CTTNBP2: variants seen among roughly 807,000 people sequenced by gnomAD.
CTTNBP2 encodes the protein cortactin-binding protein 2.
CTTNBP2 carries 108 observed loss-of-function variants against 156.9 expected under a neutral mutation model. That is an observed-to-expected ratio of 0.69 (90% CI 0.59 to 0.81). CTTNBP2 has a LOEUF of 0.81. CTTNBP2 is among the 30% of genes least tolerant of loss of function. The pLI, the probability that CTTNBP2 is intolerant of heterozygous loss-of-function variation, is 0.00. For missense variants in CTTNBP2, 1,924 were observed against 2,035.4 expected (o/e 0.95, Z 1.05); for synonymous variants, 767 against 751.8 (o/e 1.02, Z -0.33).
At chr7:117,734,459 T>G (rs1795571031) in intron 16 of CTTNBP2, among the ~76,000 whole-genome samples, 1 of 152,232 alleles carries the variant, frequency 6.6e-6, no homozygotes, top group East Asian at 1.9e-4. Context: ...TCTGTGAAAG[T>G]CACTAAAAGT....
At chr7:117,826,826 CATTATTATTATTATTATTATTATT>C (rs71984775) in intron 2 of CTTNBP2, among the ~76,000 whole-genome samples, 1,751 of 140,240 alleles carry the variant, frequency 0.012, 35 homozygotes, top group African/African-American at 0.042. Context: ...TTCTACTGAG[CATTATTATTATTATTATTATTATT>C]ATTATTATTA....
At chr7:117,835,885 C>T (rs543441410) in intron 2 of CTTNBP2, among the ~76,000 whole-genome samples, 13 of 152,244 alleles carry the variant, frequency 8.5e-5, no homozygotes, top group African/African-American at 3.1e-4. Context: ...CTCTAAGCCT[C>T]AGTTTCTCAT....
chr7:117,856,887 G>A (rs952909488), intron 2 of CTTNBP2, among the ~76,000 whole-genome samples: 2 of 152,024 alleles, frequency 1.3e-5, no homozygotes, highest in Non-Finnish European at 2.9e-5. Context: ...GTCTCTCTTT[G>A]ACTAAGATAC....
In CTTNBP2 at chr7:117,792,477, T is replaced by C. The variant is rs781216278; in HGVS notation, c.719A>G (p.Gln240Arg). Residue 240 changes from glutamine (Q) to arginine (R), a missense_variant, in exon 4 of 23, where the codon CAG (glutamine) becomes CGG (arginine). Transcript: ENST00000160373. The surrounding 1 kb of genome is among the most constrained non-coding windows in gnomAD (Gnocchi z 4.2). ...QLSEFDTERE[Q>R]LRAKLNREEA... Reference sequence around the variant, plus strand: ...TTCCCGGTTCAGCTTGGCACGAAGCTGTTCCCGCTCAGTGTCAAACTCAGA... The same window carrying C: ...TTCCCGGTTCAGCTTGGCACGAAGCCGTTCCCGCTCAGTGTCAAACTCAGA... The C allele has an allele frequency of 3.7e-6, 6 of 1,614,226 alleles. No individual in the cohort carries two copies. Among genetic ancestry groups the C allele is most frequent in the Non-Finnish European group, 5.1e-6 (6 of 1,180,034 alleles).
chr7:117,779,635 T>C (rs1369968844), intron 7 of CTTNBP2, among the ~76,000 whole-genome samples: 1 of 151,906 alleles, frequency 6.6e-6, no homozygotes, highest in Non-Finnish European at 1.5e-5. Context: ...AAAACTGTTT[T>C]CTCAGATTTT....
chr7:117,760,854 C>T lies in CTTNBP2; in HGVS notation c.2897-144G>A, dbSNP rs547674417. Reference sequence around the variant, plus strand: ...TTTCATTAAATAACATTACATTGAACGTTCTTACACTGGAGTAAACTTTTG... The same window carrying T: ...TTTCATTAAATAACATTACATTGAATGTTCTTACACTGGAGTAAACTTTTG... On this transcript the variant is annotated intron_variant, in intron 9 of 22. Coordinates refer to ENST00000160373, the MANE Select transcript of CTTNBP2 (RefSeq NM_033427.3). 5 of 624,848 alleles carry T rather than the reference C, an allele frequency of 8.0e-6. No individual in the cohort carries two copies. The Admixed American group carries it at 9.0e-5, about 11-fold the overall frequency. The allele number at this position is 624,848 out of a possible 1,614,324, so 38.7% of individuals were successfully genotyped here.
At chr7:117,814,691 G>A (rs1250950219) in intron 2 of CTTNBP2, among the ~76,000 whole-genome samples, 2 of 152,188 alleles carry the variant, frequency 1.3e-5, no homozygotes, top group Non-Finnish European at 2.9e-5. Flanking sequence ...GCCTCACAAA[G>A]TACTGGGATT....
chr7:117,815,206 G>A (rs1442279984), intron 2 of CTTNBP2, among the ~76,000 whole-genome samples: 2 of 151,894 alleles, frequency 1.3e-5, no homozygotes, highest in Non-Finnish European at 2.9e-5. Context: ...TGTGCTTTTC[G>A]GTCTACAGTT....
chr7:117,826,456 T>C (rs982781865), intron 2 of CTTNBP2, among the ~76,000 whole-genome samples: 78 of 152,250 alleles, frequency 5.1e-4, no homozygotes, highest in African/African-American at 1.8e-3. Context: ...AGATATACCA[T>C]TAACTTTATA....
In CTTNBP2 at chr7:117,711,394, A is replaced by T; in HGVS notation, c.*143T>A. 1.2e-6 allele frequency: 1 copy of T among 834,038 alleles called. No homozygotes were observed. Among genetic ancestry groups the T allele is most frequent in the South Asian group, 2.8e-5 (1 of 35,520 alleles). The allele number at this position is 834,038 out of a possible 1,614,324, so 51.7% of individuals were successfully genotyped here. On this transcript the variant is annotated 3_prime_UTR_variant, in exon 23 of 23. Coordinates refer to ENST00000160373, the MANE Select transcript of CTTNBP2 (RefSeq NM_033427.3). ...TGTTGGTTATAAATACATTCTTTAC[A>T]AAAAAAAATTGAATAGTGGTCCCGC...
intron 2 of CTTNBP2, among the ~76,000 whole-genome samples, chr7:117,826,439 GA>G (rs1162677335): frequency 6.6e-6 from 1 of 151,758 alleles, no homozygotes; most frequent in Admixed American, 6.6e-5. Context: ...TCACATTTAG[GA>G]AAAAAAGATA....
At chr7:117,852,780 A>G (rs1231836512) in intron 2 of CTTNBP2, among the ~76,000 whole-genome samples, 1 of 152,214 alleles carries the variant, frequency 6.6e-6, no homozygotes, top group Non-Finnish European at 1.5e-5. Context: ...GAAATTTACA[A>G]TTGATTACAG....
rs779803428 is a variant in CTTNBP2 at position 117,782,851 on chromosome 7, G to A, written c.2372+11C>T. The A allele has an allele frequency of 2.5e-6, 4 of 1,597,578 alleles. No individual in the cohort carries two copies. Among genetic ancestry groups the A allele is most frequent in the Non-Finnish European group, 3.4e-6 (4 of 1,168,898 alleles). ...TTGATGGTGGGAAAAAAAGAATTAAGAGCAACTTACTCGAAATGTCCCTGA... is the reference window on the plus strand; with the variant it reads ...TTGATGGTGGGAAAAAAAGAATTAAAAGCAACTTACTCGAAATGTCCCTGA... On this transcript the variant is annotated intron_variant, in intron 6 of 22. Transcript: ENST00000160373.
At chr7:117,732,871 ACTAT>A (rs1340787474) in intron 16 of CTTNBP2, among the ~76,000 whole-genome samples, 2 of 152,140 alleles carry the variant, frequency 1.3e-5, no homozygotes, top group Admixed American at 1.3e-4. Flanking sequence ...ATATCACTGT[ACTAT>A]CTGAGGCTTT....
At chr7:117,817,357 A>ATC (rs1282725521) in intron 2 of CTTNBP2, among the ~76,000 whole-genome samples, 1 of 32,992 alleles carries the variant, frequency 3.0e-5, no homozygotes, top group Non-Finnish European at 6.6e-5. Flanking sequence ...AAAAAAAAAA[A>ATC]AAAAATATAT....
At chr7:117,780,373 T>C (rs1798350814) in intron 7 of CTTNBP2, 68 bp downstream of exon 7, 3 of 1,052,868 alleles carry the variant, frequency 2.8e-6, no homozygotes, top group Non-Finnish European at 3.9e-6. Context: ...TTTGTTTTTC[T>C]AGTTATAGAG....
intron 8 of CTTNBP2, among the ~76,000 whole-genome samples, chr7:117,775,160 T>G (rs1232554359): frequency 6.6e-6 from 1 of 152,176 alleles, no homozygotes; most frequent in African/African-American, 2.4e-5. Flanking sequence ...GAGGTTAGAC[T>G]AGAAGATTAA....
chr7:117,735,468 T>TTA (rs1562961734), intron 14 of CTTNBP2, 47 bp from the exon 15 acceptor site: 1 of 1,535,846 alleles, frequency 6.5e-7, no homozygotes, highest in Non-Finnish European at 8.8e-7. Flanking sequence ...TGACAAAAAT[T>TTA]TATACAAATT....
intron 3 of CTTNBP2, among the ~76,000 whole-genome samples, chr7:117,795,188 C>A (rs1175055818): frequency 6.9e-6 from 1 of 144,736 alleles, no homozygotes; most frequent in Non-Finnish European, 1.5e-5. Flanking sequence ...GACGACCGCG[C>A]CCGGCCTACT....
Sources: allele counts gnomAD v4.1 joint callset (sites outside exome capture counted in the v4.1 genomes callset), GRCh38; gene constraint gnomAD v4.1.1; non-coding constraint Gnocchi (gnomAD v3.1); transcripts MANE v1.5; gene names NCBI Gene and HGNC (gene_info 2026-07-23, HGNC 2026-07-21).